NSD3: variants seen among roughly 807,000 people sequenced by gnomAD.
NSD3 encodes the protein histone-lysine N-methyltransferase NSD3.
A neutral mutation model predicts 160.8 loss-of-function variants in NSD3; 24 were observed. The ratio of observed to expected loss-of-function variants is 0.15; its 90% CI spans 0.11 to 0.21. The LOEUF is 0.21. Among genes scored for constraint, NSD3 ranks in the 10% least tolerant of loss-of-function variants. NSD3 has a pLI of 1.00. For synonymous variants in NSD3, 520 were observed against 600.0 expected, an observed-to-expected ratio of 0.87 and a Z score of 1.95; for missense variants, 1,157 against 1,735.9, an observed-to-expected ratio of 0.67 and a Z score of 5.93.
chr8:38,361,892 G>A (rs910290276), intron 1 of NSD3, among the ~76,000 whole-genome samples: 1 of 151,932 alleles, frequency 6.6e-6, no homozygotes, highest in Non-Finnish European at 1.5e-5. Flanking sequence ...TTTTGGCTTA[G>A]GAAACAAGTT....
intron 15 of NSD3, among the ~76,000 whole-genome samples, chr8:38,297,860 A>G (rs150877453): frequency 6.0e-4 from 91 of 152,288 alleles, no homozygotes; most frequent in African/African-American, 2.0e-3. Context: ...AGCAGGGAGA[A>G]AAGTCTGCAA....
intron 20 of NSD3, among the ~76,000 whole-genome samples, chr8:38,281,250 A>T (rs1761717189): frequency 6.6e-6 from 1 of 152,158 alleles, no homozygotes; most frequent in Non-Finnish European, 1.5e-5. Flanking sequence ...ATTTTCACTC[A>T]CAGTGCTGTC....
chr8:38,358,433 A>C (rs1300823272), intron 1 of NSD3, among the ~76,000 whole-genome samples: 1 of 152,170 alleles, frequency 6.6e-6, no homozygotes, highest in East Asian at 1.9e-4. Flanking sequence ...TCCACACTCA[A>C]TGTGTTTCCA....
intron 19 of NSD3, among the ~76,000 whole-genome samples, chr8:38,282,904 T>C (rs989430680): frequency 3.9e-5 from 6 of 152,226 alleles, no homozygotes; most frequent in African/African-American, 1.4e-4. Context: ...ATTTTGGCTT[T>C]ACAAATAAAG....
intron 10 of NSD3, 25 bp from the exon 11 acceptor site, chr8:38,315,569 A>G: frequency 6.2e-7 from 1 of 1,609,840 alleles, no homozygotes; most frequent in Non-Finnish European, 8.5e-7. Flanking sequence ...TAGCATTTTT[A>G]AGAAAAACAA....
At chr8:38,328,606 G>A (rs1264183075) in intron 6 of NSD3, among the ~76,000 whole-genome samples, 1 of 152,086 alleles carries the variant, frequency 6.6e-6, no homozygotes, top group Non-Finnish European at 1.5e-5. Context: ...ACTATATTAG[G>A]AAAAAATAAG....
Position 38,316,574 on chromosome 8 carries a change from A to C in NSD3, c.1856-532T>G. 1 of 1,050,572 alleles carries C rather than the reference A, an allele frequency of 9.5e-7. No homozygotes were observed. Among genetic ancestry groups the C allele is most frequent in the Non-Finnish European group, 1.1e-6 (1 of 870,046 alleles). 65.1% of individuals were successfully genotyped at this position (1,050,572 alleles called of 1,614,324 possible). A position where few individuals can be genotyped will look rare whatever the true frequency, so the allele number is the denominator to read the frequency against. ...GCCCCCCAATAAAATTTGGATGTTCATAATTGTTCATCTGAGACTTCCTTG... is the reference window on the plus strand; with the variant it reads ...GCCCCCCAATAAAATTTGGATGTTCCTAATTGTTCATCTGAGACTTCCTTG... On this transcript the variant is annotated intron_variant, in intron 9 of 23. Transcript: ENST00000317025. The surrounding 1 kb of genome is among the most constrained non-coding windows in gnomAD (Gnocchi z 4.5).
At chr8:38,306,317 G>GA in intron 12 of NSD3, among the ~76,000 whole-genome samples, 1 of 151,688 alleles carries the variant, frequency 6.6e-6, no homozygotes, top group Non-Finnish European at 1.5e-5. Context: ...CAGATTCCTA[G>GA]AAAAAAAGAA....
intron 1 of NSD3, among the ~76,000 whole-genome samples, chr8:38,379,772 A>G (rs369698585): frequency 1.3e-5 from 2 of 152,250 alleles, no homozygotes; most frequent in African/African-American, 4.8e-5. Flanking sequence ...TTGGTATTAG[A>G]GAACAGTTTC....
rs961390687 is a variant in NSD3 at position 38,316,348 on chromosome 8, G to A, written c.1856-306C>T. ...ATTCTATGAAAATTGCAGGATAGCT[G>A]ATGGATTTGGAGCAATTCAAAGAAC... On this transcript the variant is annotated intron_variant, in intron 9 of 23. Transcript: ENST00000317025. The surrounding 1 kb of genome is among the most constrained non-coding windows in gnomAD (Gnocchi z 4.5). 2.7e-6 allele frequency: 3 copies of A among 1,092,056 alleles called. No individual in the cohort carries two copies. The highest frequency in any genetic ancestry group is 3.4e-6 in the Non-Finnish European group (3 of 887,854). 67.6% of individuals were successfully genotyped at this position (1,092,056 alleles called of 1,614,324 possible). A position where few individuals can be genotyped will look rare whatever the true frequency, so the allele number is the denominator to read the frequency against.
At chr8:38,307,147 T>C (rs1585872697) in intron 12 of NSD3, among the ~76,000 whole-genome samples, 1 of 148,860 alleles carries the variant, frequency 6.7e-6, no homozygotes, top group Non-Finnish European at 1.5e-5. Context: ...AATAAATAAA[T>C]AAATAAATAA....
chr8:38,377,662 T>C (rs1206232004), intron 1 of NSD3, among the ~76,000 whole-genome samples: 11 of 152,154 alleles, frequency 7.2e-5, no homozygotes, highest in Non-Finnish European at 1.3e-4. Flanking sequence ...CGTGGATTCA[T>C]AGGTACTAAT....
chr8:38,325,047 T>C (rs965449815), intron 7 of NSD3, among the ~76,000 whole-genome samples: 11 of 152,252 alleles, frequency 7.2e-5, no homozygotes, highest in African/African-American at 2.4e-4. Flanking sequence ...AAAGGGCTTG[T>C]CTGAGTTCTG....
intron 23 of NSD3, 24 bp from the exon 24 acceptor site, chr8:38,275,906 A>G (rs531609210): frequency 6.2e-7 from 1 of 1,603,600 alleles, no homozygotes; most frequent in South Asian, 1.1e-5. Context: ...ATGGGGAGGA[A>G]GAAGGAGAAG....
intron 1 of NSD3, among the ~76,000 whole-genome samples, chr8:38,364,503 C>T (rs564605160): frequency 1.3e-5 from 2 of 152,202 alleles, no homozygotes; most frequent in African/African-American, 4.8e-5. Flanking sequence ...GCACAGCTGC[C>T]GCAGCTTTCT....
intron 2 of NSD3, among the ~76,000 whole-genome samples, chr8:38,342,149 G>T (rs987229348): frequency 1.3e-5 from 2 of 152,068 alleles, no homozygotes; most frequent in African/African-American, 4.8e-5. Flanking sequence ...ATGCCCAAGA[G>T]GATTTATTCT....
chr8:38,276,047 T>C, intron 23 of NSD3, 165 bp from the exon 24 acceptor site: 4 of 794,266 alleles, frequency 5.0e-6, no homozygotes, highest in African/African-American at 3.5e-5. Context: ...CAGTTTAGGA[T>C]GGATGTGAGC....
intron 1 of NSD3, among the ~76,000 whole-genome samples, chr8:38,370,380 ATTTTT>A (rs550018393): frequency 7.3e-6 from 1 of 137,412 alleles, no homozygotes; most frequent in Non-Finnish European, 1.6e-5. Flanking sequence ...GTCCAGGAGA[ATTTTT>A]TTTTTTTTTT....
At chr8:38,298,423 CTT>C (rs1246526659) in intron 15 of NSD3, among the ~76,000 whole-genome samples, 1 of 152,186 alleles carries the variant, frequency 6.6e-6, no homozygotes, top group Non-Finnish European at 1.5e-5. Context: ...CTTAGTCTCA[CTT>C]TCTTTTAGTC....
Sources: allele counts gnomAD v4.1 joint callset (sites outside exome capture counted in the v4.1 genomes callset), GRCh38; gene constraint gnomAD v4.1.1; non-coding constraint Gnocchi (gnomAD v3.1); transcripts MANE v1.5; gene names NCBI Gene and HGNC (gene_info 2026-07-23, HGNC 2026-07-21).